SLC24A3: variants seen among roughly 807,000 people sequenced by gnomAD.
The protein encoded by SLC24A3 is solute carrier family 24 member 3.
A neutral mutation model predicts 75.8 loss-of-function variants in SLC24A3; 28 were observed. The observed-to-expected ratio is 0.37, with a 90% CI of 0.27 to 0.51. SLC24A3 has a LOEUF of 0.51. SLC24A3 is among the 20% of genes least tolerant of loss of function. The pLI is 0.94. For synonymous variants in SLC24A3, 372 were observed against 334.1 expected (o/e 1.11, Z -1.24); for missense variants, 663 against 847.8 (o/e 0.78, Z 2.71).
intron 2 of SLC24A3, among the ~76,000 whole-genome samples, chr20:19,396,752 A>G (rs989581932): frequency 1.3e-5 from 2 of 152,222 alleles, no homozygotes; most frequent in Non-Finnish European, 2.9e-5. Flanking sequence ...TTTCACTGAC[A>G]CTTTCATTTG....
intron 2 of SLC24A3, among the ~76,000 whole-genome samples, chr20:19,290,420 C>T (rs1215956921): frequency 1.3e-5 from 2 of 152,088 alleles, no homozygotes; most frequent in East Asian, 1.9e-4. Context: ...TTTAGGGGAA[C>T]GATTAGGTCA....
chr20:19,433,692 C>T (rs1377391389), intron 2 of SLC24A3, among the ~76,000 whole-genome samples: 1 of 152,134 alleles, frequency 6.6e-6, no homozygotes, highest in Non-Finnish European at 1.5e-5. Flanking sequence ...AATTAGGAGA[C>T]AACTGCCACT....
intron 2 of SLC24A3, among the ~76,000 whole-genome samples, chr20:19,488,625 A>G (rs1201643481): frequency 6.6e-6 from 1 of 152,234 alleles, no homozygotes; most frequent in Non-Finnish European, 1.5e-5. Flanking sequence ...AACCTAGTTA[A>G]CAGTGGGCAC....
At chr20:19,548,995 G>T (rs186804270) in intron 3 of SLC24A3, among the ~76,000 whole-genome samples, 3 of 152,314 alleles carry the variant, frequency 2.0e-5, no homozygotes, top group African/African-American at 7.2e-5. Context: ...GCATAGACTG[G>T]TGGAGGCCCT....
intron 14 of SLC24A3, among the ~76,000 whole-genome samples, chr20:19,697,322 A>G (rs1448617826): frequency 3.9e-5 from 6 of 152,350 alleles, no homozygotes; most frequent in Admixed American, 2.0e-4. Flanking sequence ...AAATGTACTG[A>G]CAGCTAACCT....
At chr20:19,455,802 C>T (rs981537552) in intron 2 of SLC24A3, among the ~76,000 whole-genome samples, 5 of 152,188 alleles carry the variant, frequency 3.3e-5, no homozygotes, top group Admixed American at 6.5e-5. Flanking sequence ...ATTTCACAGT[C>T]GCCTTCTGGG....
chr20:19,317,017 C>T (rs1208748811), intron 2 of SLC24A3, among the ~76,000 whole-genome samples: 1 of 151,976 alleles, frequency 6.6e-6, no homozygotes, highest in African/African-American at 2.4e-5. Flanking sequence ...AAAGGCCATA[C>T]ACCTACAACC....
intron 1 of SLC24A3, among the ~76,000 whole-genome samples, chr20:19,216,647 A>C (rs1981566278): frequency 6.6e-6 from 1 of 151,772 alleles, no homozygotes; most frequent in Non-Finnish European, 1.5e-5. Flanking sequence ...AAAATTACAC[A>C]CACATGCATG....
chr20:19,354,485 T>C (rs59543700), intron 2 of SLC24A3, among the ~76,000 whole-genome samples: 3,156 of 152,220 alleles, frequency 0.021, 40 homozygotes, highest in East Asian at 0.035. Flanking sequence ...TTATTTTATG[T>C]AAATTATACC....
chr20:19,573,887 T>G (rs902321942), intron 3 of SLC24A3, among the ~76,000 whole-genome samples: 47 of 152,346 alleles, frequency 3.1e-4, no homozygotes, highest in African/African-American at 1.1e-3. Context: ...GTTTAATGAC[T>G]AATGAATAGG....
chr20:19,353,987 C>T lies in SLC24A3; in HGVS notation c.271+72900C>T, dbSNP rs565309168. 1.4e-4 allele frequency among the ~76,000 whole-genome samples: 21 copies of T among 152,130 alleles called. No homozygotes were observed. The Middle Eastern group carries it at 0.014, about 99-fold the overall frequency. ...AAGATAAATGAAAATATATGGTTAC[C>T]AAAAAGATGTTCACATGAATGTTTA... On this transcript the variant is annotated intron_variant, in intron 2 of 16. Coordinates refer to ENST00000328041, the MANE Select transcript of SLC24A3 (RefSeq NM_020689.4).
intron 2 of SLC24A3, among the ~76,000 whole-genome samples, chr20:19,351,394 G>C (rs1985562054): frequency 6.6e-6 from 1 of 152,150 alleles, no homozygotes; most frequent in Admixed American, 6.5e-5. Context: ...CTTTTCTCTA[G>C]GTCTGAATGT....
chr20:19,245,690 T>C (rs1982467174), intron 1 of SLC24A3, among the ~76,000 whole-genome samples: 1 of 152,154 alleles, frequency 6.6e-6, no homozygotes, highest in South Asian at 2.1e-4. Context: ...ATAAAGTTGA[T>C]TTAAGAGCAA....
chr20:19,695,578 G>A (rs1371727902), intron 13 of SLC24A3: 3 of 152,110 alleles, frequency 2.0e-5, no homozygotes, highest in Non-Finnish European at 4.4e-5. Flanking sequence ...TTGTGTGATG[G>A]AAGTGACGAA....
At chr20:19,342,084 G>A (rs1375448221) in intron 2 of SLC24A3, among the ~76,000 whole-genome samples, 1 of 152,212 alleles carries the variant, frequency 6.6e-6, no homozygotes, top group Non-Finnish European at 1.5e-5. Context: ...GGAAACTTAA[G>A]GTGGGGCACC....
chr20:19,623,888 G>A (rs1027548432), intron 6 of SLC24A3, among the ~76,000 whole-genome samples: 1 of 152,164 alleles, frequency 6.6e-6, no homozygotes, highest in Non-Finnish European at 1.5e-5. Context: ...CATACCAACA[G>A]CACAAACACT....
chr20:19,359,344 C>T (rs1985745300), intron 2 of SLC24A3, among the ~76,000 whole-genome samples: 1 of 152,182 alleles, frequency 6.6e-6, no homozygotes, highest in Admixed American at 6.5e-5. Context: ...CCCAGAGATT[C>T]CAGGAAATAT....
intron 2 of SLC24A3, among the ~76,000 whole-genome samples, chr20:19,402,634 G>T (rs1986573273): frequency 6.6e-6 from 1 of 152,202 alleles, no homozygotes; most frequent in Admixed American, 6.5e-5. Context: ...CAGAAGGAAA[G>T]GATCAGAGAA....
intron 2 of SLC24A3, among the ~76,000 whole-genome samples, chr20:19,478,561 A>G (rs1987999620): frequency 6.6e-6 from 1 of 152,156 alleles, no homozygotes; most frequent in African/African-American, 2.4e-5. Flanking sequence ...CCAGCTTACA[A>G]AGCTACAGTG....
Sources: allele counts gnomAD v4.1 joint callset (sites outside exome capture counted in the v4.1 genomes callset), GRCh38; gene constraint gnomAD v4.1.1; transcripts MANE v1.5; gene names NCBI Gene and HGNC (gene_info 2026-07-23, HGNC 2026-07-21).